Variants in GRM3 observed in about 807,000 individuals in gnomAD.
The protein encoded by GRM3 is metabotropic glutamate receptor 3.
GRM3 carries 26 observed loss-of-function variants against 70.5 expected under a neutral mutation model. The observed-to-expected ratio is 0.37, with a 90% confidence interval of 0.27 to 0.51. The LOEUF is 0.51. GRM3 is among the 20% of genes least tolerant of loss of function. The probability of loss-of-function intolerance (pLI) is 0.93; values close to 1 mark genes in which losing one functional copy is unlikely to be tolerated. For synonymous variants in GRM3, 443 were observed against 434.9 expected, an observed-to-expected ratio of 1.02 and a Z score of -0.23; for missense variants, 859 against 1,123.8, an observed-to-expected ratio of 0.76 and a Z score of 3.37.
At chr7:86,652,852 T>G (rs981438701) in intron 1 of GRM3, among the ~76,000 whole-genome samples, 1 of 152,232 alleles carries the variant, frequency 6.6e-6, no homozygotes, top group African/African-American at 2.4e-5. Flanking sequence ...CTTTGAAGTT[T>G]ACTTAAAATG....
chr7:86,793,269 A>C (rs1031100396), intron 3 of GRM3, among the ~76,000 whole-genome samples: 10 of 152,084 alleles, frequency 6.6e-5, no homozygotes, highest in Admixed American at 1.3e-4. Flanking sequence ...GGAAGGGCAG[A>C]TTTTCTGGGA....
At chr7:86,848,471 G>A (rs1226612911) in intron 4 of GRM3, among the ~76,000 whole-genome samples, 1 of 152,136 alleles carries the variant, frequency 6.6e-6, no homozygotes, top group African/African-American at 2.4e-5. Context: ...GATGACTAGA[G>A]GGCGTTTTCA....
chr7:86,751,720 C>T (rs545747469), intron 1 of GRM3, among the ~76,000 whole-genome samples: 2 of 152,156 alleles, frequency 1.3e-5, no homozygotes, highest in South Asian at 4.2e-4. Flanking sequence ...ATGGTTTCTG[C>T]TTGTGTACAG....
intron 1 of GRM3, among the ~76,000 whole-genome samples, chr7:86,746,895 A>G (rs551218754): frequency 3.9e-5 from 6 of 152,180 alleles, no homozygotes; most frequent in South Asian, 2.1e-4. Context: ...TTGAAAGTCA[A>G]CTCTGATTTT....
intron 1 of GRM3, among the ~76,000 whole-genome samples, chr7:86,751,904 A>G (rs147734238): frequency 6.6e-6 from 1 of 152,104 alleles, no homozygotes; most frequent in African/African-American, 2.4e-5. Context: ...TTGCAAATTC[A>G]TGTCAATACT....
chr7:86,773,081 C>G (rs947355047), intron 2 of GRM3, among the ~76,000 whole-genome samples: 2 of 151,892 alleles, frequency 1.3e-5, no homozygotes, highest in Non-Finnish European at 2.9e-5. Context: ...GTTTGGGGTA[C>G]AAATGATCCT....
chr7:86,666,132 T>A (rs1261609132), intron 1 of GRM3, among the ~76,000 whole-genome samples: 1 of 152,030 alleles, frequency 6.6e-6, no homozygotes, highest in Non-Finnish European at 1.5e-5. Context: ...AGTCAAATAA[T>A]CCTTTAGAGG....
intron 1 of GRM3, among the ~76,000 whole-genome samples, chr7:86,738,399 G>A (rs1161534645): frequency 6.6e-6 from 1 of 152,196 alleles, no homozygotes; most frequent in Non-Finnish European, 1.5e-5. Flanking sequence ...AGTCCCTTTG[G>A]AGGATGTGAG....
intron 1 of GRM3, among the ~76,000 whole-genome samples, chr7:86,742,354 T>C (rs1400892605): frequency 6.6e-6 from 1 of 152,154 alleles, no homozygotes; most frequent in Non-Finnish European, 1.5e-5. Flanking sequence ...CCTGTCCAAG[T>C]TCAAGGGGTA....
At chr7:86,715,926 C>T (rs1436266679) in intron 1 of GRM3, among the ~76,000 whole-genome samples, 1 of 151,886 alleles carries the variant, frequency 6.6e-6, no homozygotes, top group African/African-American at 2.4e-5. Context: ...GAGAAAGAGA[C>T]AAAATATGTA....
rs188856699 is a variant in GRM3 at position 86,855,841 on chromosome 7, C to T, written c.2566+5297C>T. On this transcript the variant is annotated intron_variant, in intron 5 of 5. Transcript: ENST00000361669. ...ATGACTTTATAAAATAAAAGCATAA[C>T]ACGTAATGCCCAAGCTTCTTCTCTA... 4.1e-4 allele frequency among the ~76,000 whole-genome samples: 63 copies of T among 152,246 alleles called. No individual in the cohort carries two copies. The East Asian group carries it at 0.01, about 25-fold the overall frequency.
rs1403184266 is a variant in GRM3, at chr7:86,644,399, C to A, written c.-614C>A. 1 of 320,832 alleles carries A rather than the reference C, an allele frequency of 3.1e-6. No individual in the cohort carries two copies. Among genetic ancestry groups the A allele is most frequent in the South Asian group, 2.4e-5 (1 of 40,916 alleles). 19.9% of individuals were successfully genotyped at this position (320,832 alleles called of 1,614,324 possible). A position where few individuals can be genotyped will look rare whatever the true frequency, so the allele number is the denominator to read the frequency against. ...TTCTGCCAAGAGTCCCAATTAGATGCGACGGCTTCAGCCTGGTCAAGGTGA... is the reference window on the plus strand; with the variant it reads ...TTCTGCCAAGAGTCCCAATTAGATGAGACGGCTTCAGCCTGGTCAAGGTGA... On this transcript the variant is annotated 5_prime_UTR_variant, in exon 1 of 6. Transcript: ENST00000361669.
rs183360998 is a variant in GRM3 at position 86,668,747 on chromosome 7, C to A, written c.-141+23875C>A. On this transcript the variant is annotated intron_variant, in intron 1 of 5. Transcript: ENST00000361669. ...TCATTGAGGAAGAGGCTCATTCCCACCTGCCATGCATAGACTGTCTACCCA... is the reference window on the plus strand; with the variant it reads ...TCATTGAGGAAGAGGCTCATTCCCAACTGCCATGCATAGACTGTCTACCCA... 7.2e-3 allele frequency among the ~76,000 whole-genome samples: 1,101 copies of A among 152,256 alleles called. 14 individuals are homozygous for A. Among genetic ancestry groups the A allele is most frequent in the Non-Finnish European group, 9.6e-3 (653 of 68,024 alleles).
intron 3 of GRM3, 23 bp downstream of exon 3, chr7:86,787,139 T>A: frequency 1.3e-6 from 2 of 1,566,192 alleles, no homozygotes; most frequent in African/African-American, 1.4e-5. Context: ...CCTTTAAACA[T>A]CTTCTCAGAT....
chr7:86,795,253 T>TTTTTATTTTATTTTA (rs67329784), intron 3 of GRM3, among the ~76,000 whole-genome samples: 7,894 of 123,966 alleles, frequency 0.064, 589 homozygotes, highest in Middle Eastern at 0.12. Flanking sequence ...TCTAGGTTAG[T>TTTTTATTTTATTTTA]TTTTATTTTA....
At chr7:86,814,430 T>C (rs554929085) in intron 3 of GRM3, among the ~76,000 whole-genome samples, 1 of 151,828 alleles carries the variant, frequency 6.6e-6, no homozygotes, top group South Asian at 2.1e-4. Context: ...CTTATGCCTT[T>C]GCATCCTCAT....
At position 86,839,419 on chromosome 7, in the gene GRM3, G is replaced by A. The variant is rs2116737114; in HGVS notation, c.1905G>A (p.Lys635=). 2 of 1,613,970 alleles carry A rather than the reference G, an allele frequency of 1.2e-6. No homozygotes were observed. The highest frequency in any genetic ancestry group is 1.7e-6 in the Non-Finnish European group (2 of 1,179,920). ...GCATGACATTCTTCTTCATTGCCAA[G>A]CCATCACCAGTCATCTGTGCATTGC... The part of the protein sequence containing the change: ...SYCMTFFFIA[K]PSPVICALRR... Residue 635 remains lysine (K), a synonymous_variant, in exon 4 of 6, where the codon AAG becomes AAA. Transcript: ENST00000361669. The surrounding 1 kb of genome is among the most constrained non-coding windows in gnomAD (Gnocchi z 4.5).
intron 1 of GRM3, among the ~76,000 whole-genome samples, chr7:86,757,120 C>G (rs928141295): frequency 6.6e-6 from 1 of 152,130 alleles, no homozygotes; most frequent in Non-Finnish European, 1.5e-5. Context: ...AGTCCAAGTT[C>G]TTGTCTGTTA....
intron 1 of GRM3, among the ~76,000 whole-genome samples, chr7:86,761,393 T>C (rs1796477095): frequency 6.6e-6 from 1 of 152,166 alleles, no homozygotes; most frequent in African/African-American, 2.4e-5. Context: ...ACAAAGGCAG[T>C]ATTTTTTCTT....
Sources: gnomAD v4.1 joint callset for allele counts (sites outside exome capture counted in the v4.1 genomes callset) on GRCh38, gnomAD v4.1.1 for gene constraint, Gnocchi (gnomAD v3.1) non-coding constraint, MANE v1.5 for transcripts, NCBI Gene and HGNC (gene_info 2026-07-23, HGNC 2026-07-21) for gene names.